Variants in TTN observed in about 807,000 individuals in gnomAD.
TTN encodes the protein titin.
TTN carries 1,525 observed loss-of-function variants against 3,223.0 expected under a neutral mutation model. The observed-to-expected ratio is 0.47, with a 90% confidence interval of 0.45 to 0.49. The LOEUF is 0.49. Among genes scored for constraint, TTN ranks in the 20% least tolerant of loss-of-function variants. The probability of loss-of-function intolerance (pLI) is 0.00; values close to 1 mark genes in which losing one functional copy is unlikely to be tolerated. For missense variants in TTN, 40,786 were observed against 43,424.0 expected, an observed-to-expected ratio of 0.94 and a Z score of 5.40; for synonymous variants, 14,094 against 15,161.0, an observed-to-expected ratio of 0.93 and a Z score of 5.17.
chr2:178,677,566 A>C (rs2068375088), intron 146 of TTN, 55 bp downstream of exon 146: 10 of 1,513,182 alleles, frequency 6.6e-6, no homozygotes, highest in Non-Finnish European at 8.9e-6. Context: ...AAAGGATGGG[A>C]AAGCAGAATT....
rs76200690 is a variant in TTN at position 178,753,396 on chromosome 2, T to G, written c.11255-216A>C. The G allele has an allele frequency of 1.0e-2, 4,375 of 438,468 alleles. 212 individuals carry two copies. The Admixed American group carries it at 0.11, about 11-fold the overall frequency. 27.2% of individuals were successfully genotyped at this position (438,468 alleles called of 1,614,324 possible). On this transcript the variant is annotated intron_variant, in intron 46 of 362. Transcript: ENST00000589042. ...GATTTAAAACATTTTTATTTTAGGT[T>G]CTTCATGAAATTTCCACTTTTAGTT...
rs1472760570 is a variant in TTN, at chr2:178,611,572, C to A, written c.50657G>T (p.Gly16886Val). 6.2e-7 allele frequency: 1 copy of A among 1,613,038 alleles called. No individual in the cohort carries two copies. The highest frequency in any genetic ancestry group is 1.7e-5 in the Admixed American group (1 of 59,962). ...TACTGGACACATTTCAACATGGTAT[C>A]CTATGATAGGACTTCCACCATTTTT... ...PEKNGGSPII[G>V]YHVEMCPVGT... Residue 16886 changes from glycine (G) to valine (V), a missense_variant, in exon 269 of 363, where the codon GGA becomes GTA. Gly to Val is a moderately radical substitution (Grantham distance 109). Transcript: ENST00000589042.
intron 13 of TTN, among the ~76,000 whole-genome samples, chr2:178,786,700 C>T (rs942904497): frequency 2.0e-5 from 3 of 152,126 alleles, no homozygotes; most frequent in Non-Finnish European, 2.9e-5. Context: ...ACTTATGATT[C>T]CCTAAGGGTA....
intron 356 of TTN, 90 bp from the exon 357 acceptor site, chr2:178,536,665 C>A: frequency 4.4e-6 from 5 of 1,145,092 alleles, no homozygotes; most frequent in South Asian, 2.0e-5. Context: ...TATATGAGTC[C>A]AAAATTTTGT....
rs1417052657 is a variant in TTN, at chr2:178,635,265, G to T, written c.41924C>A (p.Thr13975Asn). 1.2e-6 allele frequency: 2 copies of T among 1,613,222 alleles called. No individual in the cohort carries two copies. Among genetic ancestry groups the T allele is most frequent in the Admixed American group, 1.7e-5 (1 of 59,972 alleles). ...VELLKPIEDV[T>N]IYEKESASFD... ...GCTTGCACTTTCTTTCTCATAAATG[G>T]TAACGTCCTCTATTGGTTTAAGCAG... The change falls in exon 228 of 363, where the codon ACC (threonine) becomes AAC (asparagine). Residue 13975 changes from threonine to asparagine, a missense_variant. Physicochemically the swap from Thr to Asn is moderately conservative, Grantham distance 65. Coordinates refer to ENST00000589042, the MANE Select transcript of TTN (RefSeq NM_001267550.2).
In TTN at chr2:178,641,256, C is replaced by A. The variant is rs755440760; in HGVS notation, c.40618G>T (p.Val13540Phe). The A allele has an allele frequency of 1.3e-6, 2 of 1,509,664 alleles. No individual in the cohort carries two copies. Among genetic ancestry groups the A allele is most frequent in the Middle Eastern group, 1.8e-4 (1 of 5,606 alleles). The allele number at this position is 1,509,664 out of a possible 1,614,324, so 93.5% of individuals were successfully genotyped here. ...PKVEPKKLEK[V>F]KKPAVPEPPP... ...AGATTCCTACCTGCAGGTTTTTTAA[C>A]TTTTTCTAGTTTTTTAGGTTCTACT... The change falls in exon 220 of 363, where the codon GTT (valine) becomes TTT (phenylalanine). Residue 13540 changes from valine to phenylalanine, a missense_variant. Transcript: ENST00000589042.
rs749705939 is a variant in TTN, at chr2:178,622,768, C to T, written c.44816-1G>A. 7 of 1,593,764 alleles carry T rather than the reference C, an allele frequency of 4.4e-6. No individual in the cohort carries two copies. Among genetic ancestry groups the T allele is most frequent in the Non-Finnish European group, 6.0e-6 (7 of 1,168,354 alleles). The stretch of plus-strand genomic sequence containing the variant: ...GGTCTTAAGAATTCCACATGAGGAG[C>T]TGTAAGAGAATGTCATCAGAATTCA... On this transcript the variant is annotated splice_acceptor_variant, in intron 242 of 362. Transcript: ENST00000589042. LOFTEE classifies it high-confidence loss of function.
rs114386865 is a variant in TTN, at chr2:178,606,530, C to T, written c.53581+491G>A. Among the ~76,000 whole-genome samples, 92 of 152,044 alleles carry T rather than the reference C, an allele frequency of 6.1e-4. 1 individual carries two copies. Among genetic ancestry groups the T allele is most frequent in the Non-Finnish European group, 7.8e-4 (53 of 67,944 alleles). On this transcript the variant is annotated intron_variant, in intron 278 of 362. Transcript: ENST00000589042. ...CGTATTGATTTCTGGGAGATTCCCT[C>T]TGGTTGGTTTTCTATTCTTTGGAGG...
intron 241 of TTN, 76 bp downstream of exon 241, chr2:178,625,197 A>G: frequency 6.6e-7 from 1 of 1,514,870 alleles, no homozygotes; most frequent in Non-Finnish European, 8.9e-7. Context: ...TACTCATCAT[A>G]TAAAGATAAT....
In TTN at chr2:178,718,939, C is replaced by A. The variant is rs1451875767; in HGVS notation, c.24261G>T (p.Val8087=). The change falls in exon 84 of 363, where the codon GTG becomes GTT. Residue 8087 remains valine, a synonymous_variant. Coordinates refer to ENST00000589042, the MANE Select transcript of TTN (RefSeq NM_001267550.2). ...TGAGGCTCATTCCAGGCAAAACTTC[C>A]ACAGAATCAGGGGTTTGTTCAAAAG... The part of the protein sequence containing the change: ...PPSFEQTPDS[V]EVLPGMSLTF... 2 of 1,610,998 alleles carry A rather than the reference C, an allele frequency of 1.2e-6. No individual in the cohort carries two copies. Among genetic ancestry groups the A allele is most frequent in the African/African-American group, 2.7e-5 (2 of 74,802 alleles).
At chr2:178,595,385 G>T in intron 295 of TTN, 122 bp downstream of exon 295, 1 of 891,454 alleles carries the variant, frequency 1.1e-6, no homozygotes, top group Non-Finnish European at 1.7e-6. Context: ...CTGAGTAGTT[G>T]TGTGATAACT....
At chr2:178,804,822 A>G (rs1407628892) in intron 1 of TTN, among the ~76,000 whole-genome samples, 167 bp from the exon 2 acceptor site, 1 of 152,202 alleles carries the variant, frequency 6.6e-6, no homozygotes, top group African/African-American at 2.4e-5. Flanking sequence ...ACAGTTTTGC[A>G]TAGTTCATCA....
rs4894027 is a variant in TTN at position 178,536,793 on chromosome 2, A to T, written c.100171+145T>A. 54,257 of 872,600 alleles carry T rather than the reference A, an allele frequency of 0.062. 3,848 individuals carry two copies. Among genetic ancestry groups the T allele is most frequent in the African/African-American group, 0.26 (15,109 of 58,650 alleles). The allele number at this position is 872,600 out of a possible 1,614,324, so 54.1% of individuals were successfully genotyped here. ...ATATATTTCTCCTTTTAGATATGCAAACATTCAATTAAAGTGAAAGAAAAG... is the reference window on the plus strand; with the variant it reads ...ATATATTTCTCCTTTTAGATATGCATACATTCAATTAAAGTGAAAGAAAAG... On this transcript the variant is annotated intron_variant, in intron 356 of 362. Transcript: ENST00000589042.
Position 178,534,601 on chromosome 2 carries a change from AC to A in TTN, c.102013del (p.Val34005TyrfsTer5). 1.9e-6 allele frequency: 3 copies of A among 1,613,884 alleles called. No individual in the cohort carries two copies. Among genetic ancestry groups the A allele is most frequent in the Non-Finnish European group, 2.5e-6 (3 of 1,179,778 alleles). On this transcript the variant is annotated frameshift_variant, in exon 358 of 363. Coordinates refer to ENST00000589042, the MANE Select transcript of TTN (RefSeq NM_001267550.2). LOFTEE classifies it high-confidence loss of function. The part of the protein sequence containing the change: ...ATDMWSLGTL[V>X]YVLLSGINPF... Reference sequence around the variant, plus strand: ...GTTGATACCACTCAATAGCACATATACCAGTGTTCCAAGTGACCACATGTCT... The same window carrying A: ...GTTGATACCACTCAATAGCACATATACAGTGTTCCAAGTGACCACATGTCT...
At position 178,677,116 on chromosome 2, in the gene TTN, A is replaced by G. The variant is rs1207666246; in HGVS notation, c.34378+85T>C. 6 of 832,920 alleles carry G rather than the reference A, an allele frequency of 7.2e-6. No individual in the cohort carries two copies. In the South Asian group the frequency reaches 3.0e-4, roughly 42 times the overall value. 51.6% of individuals were successfully genotyped at this position (832,920 alleles called of 1,614,324 possible). ...CTGTGTGATTATCCATTTTGTAAAT[A>G]TAATTTTCCTAAAACCCAGTTTCAT... On this transcript the variant is annotated intron_variant, in intron 147 of 362. Transcript: ENST00000589042.
At chr2:178,737,867 T>C (rs2081799004) in intron 49 of TTN, 7 of 494,824 alleles carry the variant, frequency 1.4e-5, no homozygotes, top group Non-Finnish European at 2.4e-5. Flanking sequence ...TCTCAAATAA[T>C]AAATTATTTT....
chr2:178,804,123 G>A (rs1872202), intron 2 of TTN, among the ~76,000 whole-genome samples: 10,684 of 152,210 alleles, frequency 0.07, 857 homozygotes, highest in African/African-American at 0.2. Flanking sequence ...GTTATTTTGC[G>A]TGTGAACCAA....
Position 178,694,013 on chromosome 2 carries a change from A to G in TTN, c.31427-5T>C. The G allele has an allele frequency of 2.5e-6, 4 of 1,605,880 alleles. No homozygotes were observed. Among genetic ancestry groups the G allele is most frequent in the Non-Finnish European group, 3.4e-6 (4 of 1,174,626 alleles). On this transcript the variant is annotated splice_polypyrimidine_tract_variant and splice_region_variant and intron_variant, in intron 117 of 362. Transcript: ENST00000589042. ...TCTTTGTATGCACAGCTGGTACTTT[A>G]AAGAGAGTATTTCACATTAGTATTC...
Position 178,562,001 on chromosome 2 carries a change from A to G in TTN, c.84131T>C (p.Ile28044Thr), listed in dbSNP as rs1004500080. The G allele has an allele frequency of 5.6e-6, 9 of 1,613,376 alleles. No homozygotes were observed. The African/African-American group carries it at 8.0e-5, about 14-fold the overall frequency. ...ELCVSNSAGS[I>T]TVPITIIVLD... ...GACAATTATAGTAATAGGAACTGTT[A>G]TGGATCCAGCACTGTTTGAAACACA... The change falls in exon 326 of 363, where the codon ATA becomes ACA. Residue 28044 changes from isoleucine to threonine, a missense_variant. Ile to Thr is a moderately conservative substitution (Grantham distance 89, BLOSUM62 -1). Coordinates refer to ENST00000589042, the MANE Select transcript of TTN (RefSeq NM_001267550.2).
Sources: gnomAD v4.1 joint callset for allele counts (sites outside exome capture counted in the v4.1 genomes callset) on GRCh38, gnomAD v4.1.1 for gene constraint, MANE v1.5 for transcripts, NCBI Gene and HGNC (gene_info 2026-07-23, HGNC 2026-07-21) for gene names.